The following SYNE2 variants were observed in gnomAD, a reference collection of about 807,000 sequenced individuals.
SYNE2 encodes the protein nesprin-2.
SYNE2 carries 431 observed loss-of-function variants against 856.3 expected under a neutral mutation model. That is an observed-to-expected ratio of 0.50 (90% CI 0.47 to 0.55). SYNE2 has a LOEUF of 0.55. Ranked by LOEUF, SYNE2 falls within the 20% of genes least tolerant of loss-of-function variation. The pLI is 0.00. For synonymous variants in SYNE2, 2,923 were observed against 2,872.3 expected (o/e 1.02, Z -0.56); for missense variants, 8,129 against 8,023.2 (o/e 1.01, Z -0.50).
rs773691753 is a variant in SYNE2 at position 64,051,906 on chromosome 14, A to G, written c.7993A>G (p.Met2665Val). Residue 2665 changes from methionine (M) to valine (V), a missense_variant, in exon 48 of 116, where the codon ATG becomes GTG. By Grantham distance (21) the Met-to-Val change is conservative. This residue lies in a region of SYNE2 where 5,410 missense variants were observed against 5,284.8 expected (regional missense o/e 1.02). Transcript: ENST00000555002. ...AGAAGAACGGGCAGGGAACCAAAGC[A>G]TGATTGCCTTGACCACTGACCTCCA... ...SPEERAGNQS[M>V]IALTTDLQAT... 1.9e-6 allele frequency: 3 copies of G among 1,613,960 alleles called. No individual in the cohort carries two copies. The highest frequency in any genetic ancestry group is 1.7e-6 in the Non-Finnish European group (2 of 1,180,038).
At chr14:64,218,210 T>G in intron 108 of SYNE2, 188 bp from the exon 109 acceptor site, 1 of 582,348 alleles carries the variant, frequency 1.7e-6, no homozygotes. Flanking sequence ...AGGCTTTATT[T>G]CTGCCATCAG....
chr14:64,089,493 T>A, intron 58 of SYNE2, 81 bp from the exon 59 acceptor site: 1 of 1,373,946 alleles, frequency 7.3e-7, no homozygotes, highest in South Asian at 1.3e-5. Context: ...AATAAGAGAA[T>A]AAAATTAATG....
intron 96 of SYNE2, among the ~76,000 whole-genome samples, chr14:64,184,356 GTGTGTGTA>G (rs2098477952): frequency 1.3e-5 from 2 of 151,760 alleles, no homozygotes; most frequent in African/African-American, 4.8e-5. Flanking sequence ...GTGTGTGTGT[GTGTGTGTA>G]TGTGTATGAA....
At chr14:63,828,028 CAAAA>C (rs71120298) in intron 1 of SYNE2, among the ~76,000 whole-genome samples, 1 of 98,392 alleles carries the variant, frequency 1.0e-5, no homozygotes. Context: ...CTTCGTCTTT[CAAAA>C]AAAAAAAAAA....
chr14:64,113,231 T>G, intron 65 of SYNE2, 110 bp from the exon 66 acceptor site: 1 of 1,583,944 alleles, frequency 6.3e-7, no homozygotes, highest in Non-Finnish European at 8.6e-7. Flanking sequence ...TTCCTTCTTC[T>G]GTCCTGATTT....
chr14:64,203,018 G>T, intron 100 of SYNE2, 55 bp downstream of exon 100: 1 of 1,600,360 alleles, frequency 6.2e-7, no homozygotes, highest in South Asian at 1.1e-5. Context: ...GATATGCACT[G>T]ACTGAGGCCT....
intron 1 of SYNE2, among the ~76,000 whole-genome samples, chr14:63,871,147 G>A (rs1014024838): frequency 2.0e-5 from 3 of 151,892 alleles, no homozygotes; most frequent in Admixed American, 2.0e-4. Context: ...TGGAGGCAGA[G>A]TTAAAGAGTA....
rs1295866959 is a variant in SYNE2 at position 64,141,951 on chromosome 14, G to C, written c.15169G>C (p.Glu5057Gln). ...CATTTTGTTCTTACAGCTTCAAATG[G>C]AGAAATTGCCGTCTCGTAAAGCAAT... The part of the protein sequence containing the change: ...IQEKLHQLQM[E>Q]KLPSRKAITE... The change falls in exon 82 of 116, where the codon GAG becomes CAG. Residue 5057 changes from glutamate (E) to glutamine (Q), a missense_variant. Around this residue, in one of 3 missense-constraint regions of SYNE2, gnomAD observed 5,410 missense variants for 5,284.8 expected, o/e 1.02. Transcript: ENST00000555002. 2.5e-6 allele frequency: 4 copies of C among 1,613,864 alleles called. No individual in the cohort carries two copies. In the African/African-American group the frequency reaches 5.3e-5, roughly 22 times the overall value.
chr14:63,976,603 C>G lies in SYNE2; in HGVS notation c.1169C>G (p.Pro390Arg), dbSNP rs1335053261. 6.2e-7 allele frequency: 1 copy of G among 1,611,684 alleles called. No homozygotes were observed. Among genetic ancestry groups the G allele is most frequent in the Admixed American group, 1.7e-5 (1 of 59,824 alleles). The change falls in exon 12 of 116, where the codon CCA becomes CGA. Residue 390 changes from proline (P) to arginine (R), a missense_variant. Physicochemically the swap from Pro to Arg is moderately radical, Grantham distance 103. Coordinates refer to ENST00000555002, the MANE Select transcript of SYNE2 (RefSeq NM_182914.3). ...ATAAAGCTAAATTATGCCTTGCCCCCACCCCTCCATCAAACTGAAGCTTGG... is the reference window on the plus strand; with the variant it reads ...ATAAAGCTAAATTATGCCTTGCCCCGACCCCTCCATCAAACTGAAGCTTGG... ...WKIKLNYALPPPLHQTEAWLQ... is the reference protein window; with the variant it reads ...WKIKLNYALPRPLHQTEAWLQ...
intron 2 of SYNE2, among the ~76,000 whole-genome samples, chr14:63,939,796 A>G (rs2153414631): frequency 6.6e-6 from 1 of 152,358 alleles, no homozygotes; most frequent in South Asian, 2.1e-4. Flanking sequence ...GCTCAAGGTC[A>G]CACAGCTACC....
At chr14:63,924,488 A>G (rs1353295146) in intron 2 of SYNE2, among the ~76,000 whole-genome samples, 1 of 152,216 alleles carries the variant, frequency 6.6e-6, no homozygotes, top group African/African-American at 2.4e-5. Context: ...ATTCTAGTCC[A>G]TGAATATAGG....
chr14:64,049,048 AT>A (rs1481847451), intron 46 of SYNE2: 1 of 152,208 alleles, frequency 6.6e-6, no homozygotes, highest in African/African-American at 2.4e-5. Flanking sequence ...CCCTTTAGAT[AT>A]TGCAGAACTC....
chr14:64,017,727 T>G lies in SYNE2; in HGVS notation c.5020T>G (p.Leu1674Val). 1.2e-6 allele frequency: 2 copies of G among 1,613,744 alleles called. No individual in the cohort carries two copies. The highest frequency in any genetic ancestry group is 1.7e-5 in the Admixed American group (1 of 60,016). Residue 1674 changes from leucine to valine, a missense_variant, in exon 34 of 116, where the codon TTG becomes GTG. By Grantham distance (32) the Leu-to-Val change is conservative. Transcript: ENST00000555002. The stretch of plus-strand genomic sequence containing the variant: ...CCTTCAAAAAATGGAATTACATCAA[T>G]TGACTGAAGAGGACAGAGAAAGGCT... The part of the protein sequence containing the change: ...KALQKMELHQ[L>V]TEEDRERLKE...
At chr14:63,948,782 G>GTGTGTA (rs1454688156) in intron 6 of SYNE2, among the ~76,000 whole-genome samples, 8 of 43,900 alleles carry the variant, frequency 1.8e-4, no homozygotes, top group Admixed American at 2.8e-4. Context: ...ATGTGTGTGT[G>GTGTGTA]TATATATATA....
intron 17 of SYNE2, 56 bp downstream of exon 17, chr14:63,982,850 A>G (rs1399198464): frequency 6.4e-7 from 1 of 1,551,450 alleles, no homozygotes; most frequent in Non-Finnish European, 8.9e-7. Flanking sequence ...GTACCACACA[A>G]TTTACTCATT....
At chr14:63,763,547 A>AAAAAAT (rs1022828808) in intron 1 of SYNE2, among the ~76,000 whole-genome samples, 1 of 151,990 alleles carries the variant, frequency 6.6e-6, no homozygotes, top group East Asian at 1.9e-4. Context: ...CTGTCTCTAT[A>AAAAAAT]AAAAATAAAA....
In SYNE2 at chr14:64,090,852, C is replaced by T; in HGVS notation, c.11794-14C>T. The T allele has an allele frequency of 6.2e-7, 1 of 1,610,952 alleles. No individual in the cohort carries two copies. Among genetic ancestry groups the T allele is most frequent in the Non-Finnish European group, 8.5e-7 (1 of 1,177,594 alleles). ...CTTTTCATTTCTGTAACATGCTCCTCTTATATAATTAAGGTCATACTTGAA... is the reference window on the plus strand; with the variant it reads ...CTTTTCATTTCTGTAACATGCTCCTTTTATATAATTAAGGTCATACTTGAA... On this transcript the variant is annotated splice_polypyrimidine_tract_variant and intron_variant, in intron 59 of 115. Coordinates refer to ENST00000555002, the MANE Select transcript of SYNE2 (RefSeq NM_182914.3).
At chr14:63,902,426 A>G (rs1006631949) in intron 1 of SYNE2, among the ~76,000 whole-genome samples, 2 of 151,860 alleles carry the variant, frequency 1.3e-5, no homozygotes, top group Non-Finnish European at 2.9e-5. Context: ...AAAAAAAAAA[A>G]AAAAGAATAG....
intron 2 of SYNE2, among the ~76,000 whole-genome samples, chr14:63,921,911 G>T (rs2095605286): frequency 6.6e-6 from 1 of 152,228 alleles, no homozygotes; most frequent in Admixed American, 6.5e-5. Context: ...CATGGATTTT[G>T]AATCAGACAC....
Sources: allele counts gnomAD v4.1 joint callset (sites outside exome capture counted in the v4.1 genomes callset), GRCh38; gene constraint gnomAD v4.1.1; regional missense constraint gnomAD v4.1.1; transcripts MANE v1.5; gene names NCBI Gene and HGNC (gene_info 2026-07-23, HGNC 2026-07-21).